GRIN2A: variants seen among roughly 807,000 people sequenced by gnomAD.
The protein encoded by GRIN2A is glutamate receptor ionotropic, NMDA 2A.
Under a neutral mutation model 113.4 loss-of-function variants are expected in GRIN2A, and 22 were observed. That is an observed-to-expected ratio of 0.19 (90% CI 0.14 to 0.28). The LOEUF (loss-of-function observed/expected upper bound fraction) is 0.28. Among genes scored for constraint, GRIN2A ranks in the 10% least tolerant of loss-of-function variants. GRIN2A has a pLI of 1.00. For missense variants in GRIN2A, 1,502 were observed against 1,887.0 expected, an observed-to-expected ratio of 0.80 and a Z score of 3.78; for synonymous variants, 827 against 738.4, an observed-to-expected ratio of 1.12 and a Z score of -1.94.
At chr16:9,813,726 C>T (rs2042134912) in intron 10 of GRIN2A, among the ~76,000 whole-genome samples, 1 of 150,688 alleles carries the variant, frequency 6.6e-6, no homozygotes, top group Admixed American at 6.6e-5. Flanking sequence ...TCTGTGTTTA[C>T]TTGAGTTTTT....
At chr16:10,134,262 T>C (rs1229447370) in intron 2 of GRIN2A, among the ~76,000 whole-genome samples, 1 of 149,742 alleles carries the variant, frequency 6.7e-6, no homozygotes, top group Non-Finnish European at 1.5e-5. Context: ...CTTCAAAGCC[T>C]AGAAATAATC....
At chr16:9,931,368 A>G (rs2044591008) in intron 3 of GRIN2A, among the ~76,000 whole-genome samples, 1 of 152,180 alleles carries the variant, frequency 6.6e-6, no homozygotes, top group African/African-American at 2.4e-5. Flanking sequence ...CCTGATAGTT[A>G]TTTGTAAAAT....
At chr16:9,904,287 T>C (rs985849155) in intron 3 of GRIN2A, among the ~76,000 whole-genome samples, 4 of 152,226 alleles carry the variant, frequency 2.6e-5, no homozygotes, top group Admixed American at 6.5e-5. Context: ...CCCTCTTGCC[T>C]GTTTACAGAA....
Position 9,762,069 on chromosome 16 carries a change from G to A in GRIN2A, c.*1080C>T, listed in dbSNP as rs908516344. ...CCATGCTAGCCTTCGGCAGACAGAT[G>A]GCATTGTACTTCTTACAGATCACAG... On this transcript the variant is annotated 3_prime_UTR_variant, in exon 13 of 13. Coordinates refer to ENST00000330684, the MANE Select transcript of GRIN2A (RefSeq NM_001134407.3). 4.9e-6 allele frequency: 1 copy of A among 204,256 alleles called. No individual in the cohort carries two copies. Among genetic ancestry groups the A allele is most frequent in the Non-Finnish European group, 1.0e-5 (1 of 99,278 alleles). The allele number at this position is 204,256 out of a possible 1,614,324, so 12.7% of individuals were successfully genotyped here.
At chr16:10,075,189 T>A (rs554664112) in intron 2 of GRIN2A, among the ~76,000 whole-genome samples, 1 of 152,106 alleles carries the variant, frequency 6.6e-6, no homozygotes, top group Non-Finnish European at 1.5e-5. Context: ...ACCTGGCGCG[T>A]AGTCAGCACC....
intron 2 of GRIN2A, among the ~76,000 whole-genome samples, chr16:10,072,026 A>C (rs1018534158): frequency 1.3e-5 from 2 of 152,202 alleles, no homozygotes; most frequent in African/African-American, 4.8e-5. Context: ...TACATAAAAG[A>C]TTCTTCACCA....
At chr16:10,120,683 C>T (rs1442242784) in intron 2 of GRIN2A, among the ~76,000 whole-genome samples, 4 of 152,206 alleles carry the variant, frequency 2.6e-5, no homozygotes, top group Admixed American at 2.6e-4. Context: ...CAGATCTTCT[C>T]TCTGGAAGAC....
At chr16:9,902,235 A>G (rs1394771423) in intron 3 of GRIN2A, among the ~76,000 whole-genome samples, 1 of 152,196 alleles carries the variant, frequency 6.6e-6, no homozygotes, top group African/African-American at 2.4e-5. Flanking sequence ...AATTTTCTGG[A>G]TAATAGGAAG....
chr16:9,924,122 A>AC (rs1387900268), intron 3 of GRIN2A, among the ~76,000 whole-genome samples: 12 of 150,988 alleles, frequency 7.9e-5, no homozygotes, highest in African/African-American at 2.4e-4. Context: ...AAAAAAAAAA[A>AC]AAAAAAAAAA....
At chr16:9,887,279 A>T (rs1356343146) in intron 4 of GRIN2A, among the ~76,000 whole-genome samples, 2 of 152,164 alleles carry the variant, frequency 1.3e-5, no homozygotes, top group Non-Finnish European at 2.9e-5. Context: ...ACAAATGTTC[A>T]AGATAGGAAA....
chr16:9,818,264 A>G (rs2042221230), intron 10 of GRIN2A, among the ~76,000 whole-genome samples: 1 of 151,688 alleles, frequency 6.6e-6, no homozygotes, highest in African/African-American at 2.4e-5. Flanking sequence ...TGTGGTGGTA[A>G]TTCTCATATT....
At position 9,870,624 on chromosome 16, in the gene GRIN2A, T is replaced by C. The variant is rs551078324; in HGVS notation, c.1122+20362A>G. Among the ~76,000 whole-genome samples, 3 of 151,364 alleles carry C rather than the reference T, an allele frequency of 2.0e-5. No homozygotes were observed. The South Asian group carries it at 6.2e-4, about 31-fold the overall frequency. ...AACTGATGTTCCTTCAAGTAACTTT[T>C]TTTCTTTTTTTTTTTTTTTTCTTTT... is the stretch of plus-strand genomic sequence containing the variant. On this transcript the variant is annotated intron_variant, in intron 4 of 12. Coordinates refer to ENST00000330684, the MANE Select transcript of GRIN2A (RefSeq NM_001134407.3).
At chr16:10,142,447 A>G (rs2049346408) in intron 2 of GRIN2A, among the ~76,000 whole-genome samples, 2 of 152,318 alleles carry the variant, frequency 1.3e-5, no homozygotes, top group Middle Eastern at 3.4e-3. Flanking sequence ...CTGTAATCCC[A>G]ACACTTTGGG....
At chr16:10,177,986 C>T (rs2050184295) in intron 2 of GRIN2A, among the ~76,000 whole-genome samples, 1 of 152,198 alleles carries the variant, frequency 6.6e-6, no homozygotes, top group Admixed American at 6.5e-5. Flanking sequence ...AGTCTCACAC[C>T]ACCTTTTCCA....
chr16:9,911,259 G>A (rs1376218325), intron 3 of GRIN2A, among the ~76,000 whole-genome samples: 2 of 152,136 alleles, frequency 1.3e-5, no homozygotes, highest in Non-Finnish European at 2.9e-5. Context: ...GGCCAAGGTG[G>A]GAGAATCACT....
intron 5 of GRIN2A, among the ~76,000 whole-genome samples, 165 bp from the exon 6 acceptor site, chr16:9,841,269 G>A (rs930332161): frequency 3.3e-5 from 5 of 152,182 alleles, no homozygotes; most frequent in Non-Finnish European, 7.3e-5. Context: ...AAAGCAGAAA[G>A]TGTCCTTAAT....
chr16:9,898,807 T>G (rs947574998), intron 3 of GRIN2A, among the ~76,000 whole-genome samples: 10 of 151,888 alleles, frequency 6.6e-5, no homozygotes, highest in African/African-American at 1.4e-4. Context: ...TTTTGTTTTT[T>G]TTTTTTCTCT....
chr16:9,890,996 T>G lies in GRIN2A; in HGVS notation c.1112A>C (p.Glu371Ala). 6.2e-7 allele frequency: 1 copy of G among 1,603,486 alleles called. No individual in the cohort carries two copies. Among genetic ancestry groups the G allele is most frequent in the Non-Finnish European group, 8.5e-7 (1 of 1,170,394 alleles). ...CAGAAGGATGCTCACCTTTTCCCATTCCCGGTCTTTGTTCAGCACAATCAC... is the reference window on the plus strand; with the variant it reads ...CAGAAGGATGCTCACCTTTTCCCATGCCCGGTCTTTGTTCAGCACAATCAC... ...LVVIVLNKDR[E>A]WEKVGKWENH... The change falls in exon 4 of 13, where the codon GAA (glutamate) becomes GCA (alanine). Residue 371 changes from glutamate (E) to alanine (A), a missense_variant. Coordinates refer to ENST00000330684, the MANE Select transcript of GRIN2A (RefSeq NM_001134407.3).
intron 11 of GRIN2A, among the ~76,000 whole-genome samples, chr16:9,787,260 G>A (rs190550868): frequency 6.6e-6 from 1 of 152,246 alleles, no homozygotes; most frequent in Non-Finnish European, 1.5e-5. Flanking sequence ...ATGCACATAA[G>A]AACCCTAGTC....
Sources: allele counts gnomAD v4.1 joint callset (sites outside exome capture counted in the v4.1 genomes callset), GRCh38; gene constraint gnomAD v4.1.1; transcripts MANE v1.5; gene names NCBI Gene and HGNC (gene_info 2026-07-23, HGNC 2026-07-21).